The following CLCN4 variants were observed in gnomAD, a reference collection of about 807,000 sequenced individuals.
CLCN4 encodes the protein H(+)/Cl(-) exchange transporter 4.
A neutral mutation model predicts 41.7 loss-of-function variants in CLCN4; 1 was observed. That is an observed-to-expected ratio of 0.02 (90% CI 0.01 to 0.11). The LOEUF is 0.11. Ranked by LOEUF, CLCN4 falls within the 10% of genes least tolerant of loss-of-function variation. The pLI is 1.00. For synonymous variants in CLCN4, 277 were observed against 285.8 expected (o/e 0.97, Z 0.31); for missense variants, 287 against 661.0 (o/e 0.43, Z 6.20).
intron 12 of CLCN4, among the ~76,000 whole-genome samples, chrX:10,230,318 C>T (rs1038731653): frequency 8.9e-6 from 1 of 111,784 alleles, no homozygotes; most frequent in Non-Finnish European, 1.9e-5. Flanking sequence ...CAATACATGG[C>T]TGCCAAAGCA....
chrX:10,176,468 T>G (rs748512833), intron 2 of CLCN4, among the ~76,000 whole-genome samples: 134 of 112,750 alleles, frequency 1.2e-3, no homozygotes, highest in African/African-American at 4.1e-3. Flanking sequence ...TGAAAAGATT[T>G]CCCACCTGGA....
chrX:10,185,086 TG>T lies in CLCN4; in HGVS notation c.55del (p.Glu19SerfsTer18). On this transcript the variant is annotated frameshift_variant, in exon 3 of 13. Transcript: ENST00000380833. LOFTEE classifies it high-confidence loss of function. ...CTGGAAACCTGATGGATTTCCTCGA[TG>T]AGCCGTTCCCTGATGTGGGGACGTA... ...GSGNLMDFLD[E>X]PFPDVGTYED... is the part of the protein sequence containing the mutation. 10 of 1,210,242 alleles carry T rather than the reference TG, an allele frequency of 8.3e-6. No homozygotes were observed. Among genetic ancestry groups the T allele is most frequent in the Non-Finnish European group, 1.1e-5 (10 of 894,445 alleles).
At position 10,233,740 on chromosome X, in the gene CLCN4, A is replaced by G. The variant is rs5933825; in HGVS notation, c.*156A>G. 209,814 of 452,316 alleles carry G rather than the reference A, an allele frequency of 0.46. 34,831 individuals carry two copies. Among genetic ancestry groups the G allele is most frequent in the East Asian group, 0.88 (22,956 of 26,161 alleles). 37.3% of individuals were successfully genotyped at this position (452,316 alleles called of 1,213,427 possible). Reference sequence around the variant, plus strand: ...GGGAAGAAGGATGAAACCTTTAAAAACAAAAACAAAAACATCAATGAGTAG... The same window carrying G: ...GGGAAGAAGGATGAAACCTTTAAAAGCAAAAACAAAAACATCAATGAGTAG... On this transcript the variant is annotated 3_prime_UTR_variant, in exon 13 of 13. Coordinates refer to ENST00000380833, the MANE Select transcript of CLCN4 (RefSeq NM_001830.4).
At chrX:10,204,613 C>CT (rs61453535) in intron 6 of CLCN4, among the ~76,000 whole-genome samples, 2,025 of 27,335 alleles carry the variant, frequency 0.074, 783 homozygotes, top group Non-Finnish European at 0.15. Context: ...AGCTAGTAGT[C>CT]TTTTTTTTTT....
intron 8 of CLCN4, among the ~76,000 whole-genome samples, chrX:10,207,077 G>A (rs1196389440): frequency 1.8e-5 from 2 of 110,381 alleles, no homozygotes; most frequent in African/African-American, 3.3e-5. Context: ...ACGCCACCAC[G>A]CCTGGCTCAT....
rs1405298837 is a variant in CLCN4 at position 10,158,362 on chromosome X, C to A, written c.-201C>A. 3.1e-5 allele frequency: 9 copies of A among 294,501 alleles called. No individual in the cohort carries two copies. Among genetic ancestry groups the A allele is most frequent in the Non-Finnish European group, 1.2e-5 (2 of 168,479 alleles). 24.3% of individuals were successfully genotyped at this position (294,501 alleles called of 1,213,427 possible). A position where few individuals can be genotyped will look rare whatever the true frequency, so the allele number is the denominator to read the frequency against. ...GCGAGGGTTTCTGGCCATCGACCCT[C>A]ACCTCCCGGGACTTCCAGGGTCTTC... On this transcript the variant is annotated 5_prime_UTR_variant, in exon 2 of 13. Coordinates refer to ENST00000380833, the MANE Select transcript of CLCN4 (RefSeq NM_001830.4).
At position 10,235,875 on chromosome X, in the gene CLCN4, G is replaced by A. The variant is rs1011751340; in HGVS notation, c.*2291G>A. On this transcript the variant is annotated 3_prime_UTR_variant, in exon 13 of 13. Transcript: ENST00000380833. ...CTATAAAAGAATAAAATTCATTGTC[G>A]TATTTATAGCACGTAAGCCTTGAGT... 1.1e-4 allele frequency: 12 copies of A among 112,430 alleles called. No homozygotes were observed. The highest frequency in any genetic ancestry group is 4.6e-3 in the Middle Eastern group (1 of 217). The allele number at this position is 112,430 out of a possible 1,213,427, so 9.3% of individuals were successfully genotyped here. A position where few individuals can be genotyped will look rare whatever the true frequency, so the allele number is the denominator to read the frequency against.
chrX:10,227,483 A>G (rs1925017673), intron 12 of CLCN4, among the ~76,000 whole-genome samples: 1 of 112,015 alleles, frequency 8.9e-6, no homozygotes, highest in Non-Finnish European at 1.9e-5. Flanking sequence ...TCCCCTTGAA[A>G]ACCAGCACAA....
intron 9 of CLCN4, among the ~76,000 whole-genome samples, chrX:10,210,895 G>A (rs1281145230): frequency 2.5e-4 from 27 of 107,381 alleles, no homozygotes; most frequent in African/African-American, 9.2e-4. Flanking sequence ...TGATCCGCCT[G>A]CCTTGGCCTC....
intron 4 of CLCN4, among the ~76,000 whole-genome samples, chrX:10,192,265 A>G (rs1923986993): frequency 9.1e-6 from 1 of 109,852 alleles, no homozygotes; most frequent in South Asian, 3.8e-4. Flanking sequence ...ACACACACAC[A>G]CACACACGGA....
At chrX:10,217,339 C>T (rs1185924829) in intron 11 of CLCN4, among the ~76,000 whole-genome samples, 3 of 111,785 alleles carry the variant, frequency 2.7e-5, no homozygotes, top group Non-Finnish European at 5.6e-5. Flanking sequence ...TACTCCTCCT[C>T]AGCACTGCTG....
At chrX:10,231,477 GA>G (rs1925124539) in intron 12 of CLCN4, among the ~76,000 whole-genome samples, 1 of 111,178 alleles carries the variant, frequency 9.0e-6, no homozygotes. Context: ...CTCTTGTCTA[GA>G]ACAGTTTCCT....
intron 9 of CLCN4, among the ~76,000 whole-genome samples, chrX:10,210,932 G>C (rs185649512): frequency 0.015 from 1,554 of 106,014 alleles, 32 homozygotes; most frequent in African/African-American, 0.051. Flanking sequence ...ACAGGCGTGA[G>C]CCATCACACC....
In CLCN4 at chrX:10,216,875, G is replaced by C. The variant is rs755177700; in HGVS notation, c.1975+2796G>C. 3.0e-3 allele frequency among the ~76,000 whole-genome samples: 104 copies of C among 35,230 alleles called. 1 individual carries two copies. Among genetic ancestry groups the C allele is most frequent in the African/African-American group, 0.011 (102 of 8,918 alleles). The allele number at this position is 35,230 out of a possible 115,157, so 30.6% of individuals were successfully genotyped here. On this transcript the variant is annotated intron_variant, in intron 11 of 12. Transcript: ENST00000380833. ...GTGGTGTCATCTACACCTTTCTGTT[G>C]GGGATGTGTGTGTGTGTGTGTGTAT...
intron 4 of CLCN4, among the ~76,000 whole-genome samples, chrX:10,194,596 A>G (rs375335009): frequency 1.8e-5 from 2 of 111,961 alleles, no homozygotes; most frequent in African/African-American, 6.5e-5. Flanking sequence ...CTTTTACACT[A>G]TAAATACCCA....
chrX:10,208,440 C>G lies in CLCN4; in HGVS notation c.1239C>G (p.Leu413=), dbSNP rs1252071794. Residue 413 remains leucine (L), a synonymous_variant, in exon 9 of 13, where the codon CTC becomes CTG. Transcript: ENST00000380833. The part of the protein sequence containing the change: ...NDCGALESSQ[L]CDYINDPNMT... Reference sequence around the variant, plus strand: ...GTGGAGCCCTTGAGTCTTCCCAGCTCTGTGACTACATCAATGACCCCAACA... The same window carrying G: ...GTGGAGCCCTTGAGTCTTCCCAGCTGTGTGACTACATCAATGACCCCAACA... 9 of 1,209,608 alleles carry G rather than the reference C, an allele frequency of 7.4e-6. No individual in the cohort carries two copies. The highest frequency in any genetic ancestry group is 1.8e-5 in the African/African-American group (1 of 57,026).
chrX:10,160,637 GC>G (rs1923069289), intron 2 of CLCN4, among the ~76,000 whole-genome samples: 1 of 111,887 alleles, frequency 8.9e-6, no homozygotes, highest in Non-Finnish European at 1.9e-5. Context: ...GACATCTGGT[GC>G]TGGTGGGGGA....
intron 2 of CLCN4, among the ~76,000 whole-genome samples, chrX:10,184,469 C>G (rs1923760679): frequency 9.0e-6 from 1 of 111,614 alleles, no homozygotes; most frequent in East Asian, 2.8e-4. Flanking sequence ...CTCCTCCTGT[C>G]AACAAGGGTC....
chrX:10,217,609 C>T (rs1458465882), intron 11 of CLCN4, among the ~76,000 whole-genome samples: 5 of 112,234 alleles, frequency 4.5e-5, no homozygotes, highest in Admixed American at 2.8e-4. Context: ...ATTTCTTGGC[C>T]TATCACATAG....
Sources: gnomAD v4.1 joint callset for allele counts (sites outside exome capture counted in the v4.1 genomes callset) on GRCh38, gnomAD v4.1.1 for gene constraint, MANE v1.5 for transcripts, NCBI Gene and HGNC (gene_info 2026-07-23, HGNC 2026-07-21) for gene names.